DGKB: variants seen among roughly 807,000 people sequenced by gnomAD.
DGKB encodes 90 kDa diacylglycerol kinase.
In DGKB, 67 loss-of-function variants were observed where a neutral mutation model predicts 114.3. The observed-to-expected ratio is 0.59, with a 90% CI of 0.48 to 0.72. The LOEUF (loss-of-function observed/expected upper bound fraction) is 0.72. DGKB is among the 30% of genes least tolerant of loss of function. DGKB has a pLI of 0.00. For synonymous variants in DGKB, 398 were observed against 323.1 expected, an observed-to-expected ratio of 1.23 and a Z score of -2.49; for missense variants, 907 against 975.2, an observed-to-expected ratio of 0.93 and a Z score of 0.93.
At chr7:14,634,985 G>T (rs1810459391) in intron 13 of DGKB, among the ~76,000 whole-genome samples, 1 of 151,416 alleles carries the variant, frequency 6.6e-6, no homozygotes. Flanking sequence ...ATACAAGCAA[G>T]ACACTGAAAA....
At chr7:14,253,045 T>G (rs1351709227) in intron 23 of DGKB, among the ~76,000 whole-genome samples, 2 of 152,200 alleles carry the variant, frequency 1.3e-5, no homozygotes, top group South Asian at 2.1e-4. Flanking sequence ...TTCATTTTTT[T>G]TTTTTTAGAG....
In DGKB at chr7:14,504,560, G is replaced by A. The variant is rs1219421621; in HGVS notation, c.1771-26335C>T. Among the ~76,000 whole-genome samples the A allele has an allele frequency of 3.9e-5, 6 of 152,106 alleles. No individual in the cohort carries two copies. In the East Asian group the frequency reaches 1.2e-3, roughly 29 times the overall value. On this transcript the variant is annotated intron_variant, in intron 20 of 25. Transcript: ENST00000402815. ...AGAATGTCATTCATCTGCTTGAGAT[G>A]CATGATTACTAATGCACTGTAAAAT...
chr7:14,377,769 G>A (rs1358444047), intron 21 of DGKB, among the ~76,000 whole-genome samples: 3 of 152,072 alleles, frequency 2.0e-5, no homozygotes, highest in African/African-American at 7.2e-5. Context: ...CACTTTCCTG[G>A]GTCCCTGGGA....
chr7:14,622,813 C>G (rs1219400542), intron 14 of DGKB, among the ~76,000 whole-genome samples: 1 of 152,092 alleles, frequency 6.6e-6, no homozygotes. Flanking sequence ...TCATAACAAT[C>G]ATGCTTTAAA....
intron 2 of DGKB, among the ~76,000 whole-genome samples, chr7:14,781,861 C>T (rs1003236678): frequency 2.6e-5 from 4 of 152,074 alleles, no homozygotes; most frequent in Admixed American, 1.3e-4. Flanking sequence ...AAGGCCATAA[C>T]CAGCTAAATC....
rs372492231 is a variant in DGKB, at chr7:14,374,537, C to T, written c.1836-29146G>A. 1.2e-4 allele frequency among the ~76,000 whole-genome samples: 18 copies of T among 152,260 alleles called. No individual in the cohort carries two copies. The South Asian group carries it at 1.5e-3, about 12-fold the overall frequency. ...CTCCTATACCCTCACCACCAGCCCC[C>T]GCACACATTCTGATAAAAAGCCTTC... On this transcript the variant is annotated intron_variant, in intron 21 of 25. Coordinates refer to ENST00000402815, the MANE Select transcript of DGKB (RefSeq NM_001350709.2).
intron 6 of DGKB, among the ~76,000 whole-genome samples, chr7:14,717,555 A>G (rs1476102592): frequency 2.0e-5 from 3 of 152,280 alleles, no homozygotes; most frequent in Non-Finnish European, 4.4e-5. Context: ...GTGACTCTTA[A>G]ATAATCACAT....
At chr7:14,764,402 T>C (rs1562476317) in intron 2 of DGKB, among the ~76,000 whole-genome samples, 1 of 151,972 alleles carries the variant, frequency 6.6e-6, no homozygotes, top group Non-Finnish European at 1.5e-5. Flanking sequence ...CTTAGCTACA[T>C]AGTACTTAAA....
intron 21 of DGKB, among the ~76,000 whole-genome samples, chr7:14,408,012 G>C (rs1488294828): frequency 1.3e-5 from 2 of 152,084 alleles, no homozygotes; most frequent in African/African-American, 2.4e-5. Flanking sequence ...ATAAATAGCA[G>C]GTTGTGGGGG....
intron 13 of DGKB, among the ~76,000 whole-genome samples, chr7:14,631,921 G>A (rs1809795845): frequency 6.6e-6 from 1 of 151,910 alleles, no homozygotes. Flanking sequence ...CATGGACCCA[G>A]GAAACTCTCA....
chr7:14,382,334 C>A (rs61261252), intron 21 of DGKB, among the ~76,000 whole-genome samples: 1,704 of 151,356 alleles, frequency 0.011, 38 homozygotes, highest in African/African-American at 0.039. Context: ...AAGGCACATA[C>A]AACCTATAGA....
At chr7:14,592,415 A>C (rs1009633898) in intron 17 of DGKB, among the ~76,000 whole-genome samples, 1 of 151,946 alleles carries the variant, frequency 6.6e-6, no homozygotes, top group African/African-American at 2.4e-5. Context: ...TGATTATTCT[A>C]TTCAATTCAT....
chr7:14,248,792 C>T (rs1434466137), intron 23 of DGKB, among the ~76,000 whole-genome samples: 1 of 151,960 alleles, frequency 6.6e-6, no homozygotes, highest in Non-Finnish European at 1.5e-5. Context: ...TGCAAAGATA[C>T]CATTTTACTT....
At chr7:14,714,569 G>A (rs371763692) in intron 6 of DGKB, among the ~76,000 whole-genome samples, 1 of 152,038 alleles carries the variant, frequency 6.6e-6, no homozygotes, top group Admixed American at 6.6e-5. Flanking sequence ...AAAGGAAGTT[G>A]CAAGAACATA....
intron 1 of DGKB, 30 bp from the exon 2 acceptor site, chr7:14,841,480 A>G (rs1288560590): frequency 7.2e-6 from 3 of 414,778 alleles, no homozygotes; most frequent in Non-Finnish European, 1.3e-5. Flanking sequence ...ATCAAGATCA[A>G]AAGATTAACA....
chr7:14,800,836 T>C (rs908418440), intron 2 of DGKB, among the ~76,000 whole-genome samples: 3 of 151,956 alleles, frequency 2.0e-5, no homozygotes, highest in African/African-American at 7.3e-5. Context: ...ACTACAACAA[T>C]CCCAACCAGG....
intron 25 of DGKB, among the ~76,000 whole-genome samples, chr7:14,170,782 G>A (rs1562525478): frequency 6.6e-6 from 1 of 152,146 alleles, no homozygotes; most frequent in African/African-American, 2.4e-5. Flanking sequence ...GTTATGGTGG[G>A]ATGTGTGAAA....
At chr7:14,152,393 G>T (rs532838811) in intron 25 of DGKB, among the ~76,000 whole-genome samples, 7 of 152,132 alleles carry the variant, frequency 4.6e-5, no homozygotes, top group African/African-American at 1.4e-4. Context: ...AGGATACTGG[G>T]CACTCATAAA....
At chr7:14,258,217 A>G (rs1314046815) in intron 23 of DGKB, among the ~76,000 whole-genome samples, 1 of 152,240 alleles carries the variant, frequency 6.6e-6, no homozygotes, top group Non-Finnish European at 1.5e-5. Flanking sequence ...TTGTGATACC[A>G]TGTATTCAAG....
Sources: gnomAD v4.1 joint callset for allele counts (sites outside exome capture counted in the v4.1 genomes callset) on GRCh38, gnomAD v4.1.1 for gene constraint, MANE v1.5 for transcripts, NCBI Gene and HGNC (gene_info 2026-07-23, HGNC 2026-07-21) for gene names.